Variants in GBE1 observed in about 807,000 individuals in gnomAD.
GBE1 encodes 1,4-alpha-glucan-branching enzyme.
In GBE1, 70 loss-of-function variants were observed where a neutral mutation model predicts 88.8. The observed-to-expected ratio is 0.79, with a 90% CI of 0.65 to 0.96. The LOEUF is 0.96. Among genes scored for constraint, GBE1 ranks in the 40% least tolerant of loss-of-function variants. GBE1 has a pLI of 0.00. For missense variants in GBE1, 872 were observed against 871.0 expected (o/e 1.00, Z -0.01); for synonymous variants, 284 against 300.1 (o/e 0.95, Z 0.56).
intron 7 of GBE1, chr3:81,612,989 T>C (rs1704202638): frequency 2.2e-6 from 1 of 449,790 alleles, no homozygotes; most frequent in Non-Finnish European, 3.9e-6. Flanking sequence ...GATTAGAAGA[T>C]ACTGATGAAG....
chr3:81,658,430 TA>T (rs1364650954), intron 3 of GBE1, among the ~76,000 whole-genome samples: 1 of 152,096 alleles, frequency 6.6e-6, no homozygotes, highest in Non-Finnish European at 1.5e-5. Context: ...ATAAATATAT[TA>T]CAATCTCATT....
intron 9 of GBE1, 35 bp from the exon 10 acceptor site, chr3:81,586,225 CT>C: frequency 7.7e-7 from 1 of 1,292,536 alleles, no homozygotes; most frequent in Non-Finnish European, 1.1e-6. Flanking sequence ...AATGATCAAA[CT>C]TTTAGTAAAT....
chr3:81,500,294 C>T (rs903153302), intron 14 of GBE1, among the ~76,000 whole-genome samples: 1 of 152,036 alleles, frequency 6.6e-6, no homozygotes, highest in Non-Finnish European at 1.5e-5. Flanking sequence ...GACTACCAGG[C>T]ACAGGGACAT....
intron 3 of GBE1, among the ~76,000 whole-genome samples, chr3:81,660,963 A>T (rs1246255336): frequency 1.3e-5 from 2 of 152,204 alleles, no homozygotes; most frequent in Admixed American, 1.3e-4. Context: ...CTTTTATTAA[A>T]CATAACCAAA....
In GBE1 at chr3:81,544,268, A is replaced by G. The variant is rs140841945; in HGVS notation, c.1619-7173T>C. On this transcript the variant is annotated intron_variant, in intron 12 of 15. Transcript: ENST00000429644. ...GCTTAGAAAAGTCACATTTAAACTAACTGTAGCGCACAGAGGCAATGACTG... is the reference window on the plus strand; with the variant it reads ...GCTTAGAAAAGTCACATTTAAACTAGCTGTAGCGCACAGAGGCAATGACTG... Among the ~76,000 whole-genome samples, 226 of 152,316 alleles carry G rather than the reference A, an allele frequency of 1.5e-3. 2 individuals carry two copies. Among genetic ancestry groups the G allele is most frequent in the African/African-American group, 5.2e-3 (218 of 41,582 alleles).
chr3:81,519,474 C>T (rs767382273), intron 14 of GBE1, among the ~76,000 whole-genome samples: 4 of 151,348 alleles, frequency 2.6e-5, no homozygotes, highest in Non-Finnish European at 5.9e-5. Flanking sequence ...TCCACTCCCA[C>T]CTCAAAAGTA....
chr3:81,619,609 C>A (rs1162062640), intron 7 of GBE1, among the ~76,000 whole-genome samples: 3 of 151,876 alleles, frequency 2.0e-5, no homozygotes, highest in South Asian at 2.1e-4. Context: ...TTCATGGGGG[C>A]TCATTAAAAT....
At chr3:81,568,260 G>A (rs1703523511) in intron 12 of GBE1, among the ~76,000 whole-genome samples, 1 of 151,912 alleles carries the variant, frequency 6.6e-6, no homozygotes, top group Non-Finnish European at 1.5e-5. Flanking sequence ...TGATTCTACT[G>A]CCTCAGCCTC....
intron 12 of GBE1, among the ~76,000 whole-genome samples, chr3:81,576,301 A>G (rs1471460753): frequency 6.6e-6 from 1 of 152,066 alleles, no homozygotes; most frequent in African/African-American, 2.4e-5. Context: ...AATTTAGGAT[A>G]TGACCATCCT....
chr3:81,509,530 GA>G (rs1702697806), intron 14 of GBE1: 1 of 151,576 alleles, frequency 6.6e-6, no homozygotes, highest in South Asian at 2.1e-4. Context: ...CTTATCAGTT[GA>G]ATTTTTGTCT....
At chr3:81,554,236 A>G (rs1056929908) in intron 12 of GBE1, among the ~76,000 whole-genome samples, 2 of 152,176 alleles carry the variant, frequency 1.3e-5, no homozygotes, top group Non-Finnish European at 2.9e-5. Context: ...GATTTTTTGC[A>G]AGTAAGTTAA....
intron 14 of GBE1, among the ~76,000 whole-genome samples, chr3:81,509,293 T>G (rs1456116038): frequency 1.4e-5 from 2 of 140,722 alleles, no homozygotes; most frequent in African/African-American, 5.0e-5. Flanking sequence ...TTAGGGTTTG[T>G]CTTTTTTTTT....
At chr3:81,602,693 G>A (rs1219542746) in intron 7 of GBE1, among the ~76,000 whole-genome samples, 1 of 152,016 alleles carries the variant, frequency 6.6e-6, no homozygotes, top group African/African-American at 2.4e-5. Context: ...AAGTTTCAGA[G>A]GGACAGAAAC....
At chr3:81,547,651 CTCTCTCTCTCTCTCTCTT>C (rs1703224959) in intron 12 of GBE1, among the ~76,000 whole-genome samples, 1 of 149,456 alleles carries the variant, frequency 6.7e-6, no homozygotes, top group African/African-American at 2.5e-5. Context: ...CTCTCTCTCT[CTCTCTCTCTCTCTCTCTT>C]TCTCCCTCTG....
At chr3:81,718,231 C>T (rs1019063235) in intron 1 of GBE1, among the ~76,000 whole-genome samples, 1 of 152,118 alleles carries the variant, frequency 6.6e-6, no homozygotes, top group Non-Finnish European at 1.5e-5. Context: ...CCACCCGCCT[C>T]AGCTTCCCAA....
intron 12 of GBE1, among the ~76,000 whole-genome samples, chr3:81,552,246 G>A (rs1703280917): frequency 6.6e-6 from 1 of 152,160 alleles, no homozygotes; most frequent in Admixed American, 6.5e-5. Flanking sequence ...GGCTGGGCGT[G>A]GTGGCTCACG....
intron 2 of GBE1, among the ~76,000 whole-genome samples, chr3:81,682,354 C>T (rs1705358982): frequency 6.6e-6 from 1 of 152,060 alleles, no homozygotes; most frequent in Non-Finnish European, 1.5e-5. Flanking sequence ...CCTAGCTACT[C>T]AGGAGGCTGT....
chr3:81,613,286 T>G (rs904637531), intron 7 of GBE1, among the ~76,000 whole-genome samples: 26 of 152,130 alleles, frequency 1.7e-4, no homozygotes, highest in South Asian at 1.5e-3. Context: ...CCCTTTCTGT[T>G]CAAAATTCAT....
At chr3:81,549,914 C>T (rs950061161) in intron 12 of GBE1, among the ~76,000 whole-genome samples, 1 of 151,466 alleles carries the variant, frequency 6.6e-6, no homozygotes, top group African/African-American at 2.4e-5. Flanking sequence ...ATTCTAGTCT[C>T]ATCGGTTGTT....
Sources: allele counts gnomAD v4.1 joint callset (sites outside exome capture counted in the v4.1 genomes callset), GRCh38; gene constraint gnomAD v4.1.1; transcripts MANE v1.5; gene names NCBI Gene and HGNC (gene_info 2026-07-23, HGNC 2026-07-21).